Variants in LINGO2 observed in about 807,000 individuals in gnomAD.
The protein encoded by LINGO2 is leucine-rich repeat and immunoglobulin-like domain-containing nogo receptor-interacting protein 2.
A neutral mutation model predicts 30.6 loss-of-function variants in LINGO2; 14 were observed. The ratio of observed to expected loss-of-function variants is 0.46; its 90% confidence interval spans 0.30 to 0.72. LINGO2 has a LOEUF of 0.72. LINGO2 is among the 30% of genes least tolerant of loss of function. LINGO2 has a pLI of 0.07. For synonymous variants in LINGO2, 317 were observed against 288.5 expected, an observed-to-expected ratio of 1.10 and a Z score of -1.00; for missense variants, 729 against 751.7, an observed-to-expected ratio of 0.97 and a Z score of 0.35.
At chr9:28,521,270 G>C (rs973046816) in intron 1 of LINGO2, among the ~76,000 whole-genome samples, 3 of 152,128 alleles carry the variant, frequency 2.0e-5, no homozygotes, top group Non-Finnish European at 4.4e-5. Context: ...CATCGTCTCT[G>C]AAATTCAATA....
At chr9:28,669,579 A>T (rs1004722866) in intron 1 of LINGO2, among the ~76,000 whole-genome samples, 1 of 152,088 alleles carries the variant, frequency 6.6e-6, no homozygotes, top group Non-Finnish European at 1.5e-5. Flanking sequence ...AAAAATACCC[A>T]TTGTGATGCT....
At chr9:28,755,606 T>C in the LINGO2 span, among the ~76,000 whole-genome samples, 1 of 152,098 alleles carries the variant, frequency 6.6e-6, no homozygotes, top group Non-Finnish European at 1.5e-5. Flanking sequence ...GGACATTTTA[T>C]AGGAAGGAAG....
intron 1 of LINGO2, among the ~76,000 whole-genome samples, chr9:28,476,261 A>C (rs943429279): frequency 6.6e-6 from 1 of 152,290 alleles, no homozygotes; most frequent in South Asian, 2.1e-4. Flanking sequence ...TATTAAAATT[A>C]ATCATTAAAT....
At chr9:28,015,399 A>G (rs543059671) in intron 4 of LINGO2, among the ~76,000 whole-genome samples, 313 of 152,290 alleles carry the variant, frequency 2.1e-3, no homozygotes, top group Non-Finnish European at 3.7e-3. Flanking sequence ...ACACAGGGCA[A>G]TAATGTATTG....
At chr9:28,468,086 T>A (rs970288647) in intron 2 of LINGO2, among the ~76,000 whole-genome samples, 1 of 152,150 alleles carries the variant, frequency 6.6e-6, no homozygotes, top group African/African-American at 2.4e-5. Context: ...ATAGATAAAC[T>A]TATAGACTGA....
At chr9:28,078,592 C>T (rs183614837) in intron 4 of LINGO2, among the ~76,000 whole-genome samples, 7 of 148,320 alleles carry the variant, frequency 4.7e-5, no homozygotes, top group South Asian at 2.1e-4. Context: ...GGCTCATGCC[C>T]GTAATCCCAG....
chr9:28,982,875 A>G, the LINGO2 span, among the ~76,000 whole-genome samples: 1 of 152,062 alleles, frequency 6.6e-6, no homozygotes, highest in Non-Finnish European at 1.5e-5. Flanking sequence ...TAATACTATT[A>G]AAACCTTTTG....
At chr9:28,044,033 T>TGC (rs1433795559) in intron 4 of LINGO2, among the ~76,000 whole-genome samples, 1 of 152,224 alleles carries the variant, frequency 6.6e-6, no homozygotes, top group African/African-American at 2.4e-5. Context: ...TGAAGCTCCA[T>TGC]GCCTTTGTAC....
intron 1 of LINGO2, among the ~76,000 whole-genome samples, chr9:28,572,593 C>T (rs993014082): frequency 3.9e-5 from 6 of 152,066 alleles, no homozygotes; most frequent in Non-Finnish European, 5.9e-5. Context: ...ATAAAATCCA[C>T]CTGCAGCCAG....
chr9:28,215,270 C>A (rs2133873822), intron 4 of LINGO2, among the ~76,000 whole-genome samples: 1 of 151,702 alleles, frequency 6.6e-6, no homozygotes, highest in Non-Finnish European at 1.5e-5. Context: ...ACAGAGAGGT[C>A]AAAAGTTTAC....
the LINGO2 span, among the ~76,000 whole-genome samples, chr9:28,789,880 C>T: frequency 2.7e-4 from 41 of 152,110 alleles, no homozygotes; most frequent in Non-Finnish European, 5.4e-4. Flanking sequence ...GCAGTAATTA[C>T]AGTAGGTTTC....
intron 2 of LINGO2, among the ~76,000 whole-genome samples, chr9:28,453,992 G>A (rs1212639796): frequency 1.3e-5 from 2 of 152,032 alleles, no homozygotes. Flanking sequence ...ATGGTGAAAT[G>A]AGAAGTCCGA....
At chr9:28,196,782 A>C (rs1335737050) in intron 4 of LINGO2, among the ~76,000 whole-genome samples, 1 of 151,980 alleles carries the variant, frequency 6.6e-6, no homozygotes, top group Non-Finnish European at 1.5e-5. Flanking sequence ...TGTTATGTTA[A>C]ACAAAATAAG....
chr9:28,037,488 T>C (rs16912333), intron 4 of LINGO2, among the ~76,000 whole-genome samples: 5,795 of 152,304 alleles, frequency 0.038, 150 homozygotes, highest in South Asian at 0.07. Flanking sequence ...AAAAGTCTTC[T>C]GAGAGCTCCT....
At chr9:28,221,919 C>T (rs1316515384) in intron 4 of LINGO2, among the ~76,000 whole-genome samples, 2 of 152,150 alleles carry the variant, frequency 1.3e-5, no homozygotes, top group Middle Eastern at 3.2e-3. Context: ...TAAAGCACTT[C>T]CACCTCTGAA....
At chr9:28,433,949 C>CTATATATATATATATATATATATA (rs375073572) in intron 2 of LINGO2, among the ~76,000 whole-genome samples, 39 of 88,500 alleles carry the variant, frequency 4.4e-4, no homozygotes, top group African/African-American at 1.7e-3. Flanking sequence ...CTCTCTCTCT[C>CTATATATATATATATATATATATA]TATATATATA....
At chr9:29,058,277 G>A in the LINGO2 span, among the ~76,000 whole-genome samples, 3 of 152,168 alleles carry the variant, frequency 2.0e-5, no homozygotes, top group Admixed American at 1.3e-4. Context: ...ATTGAATGTT[G>A]AGAACTGAAA....
At chr9:28,412,895 T>A (rs988208569) in intron 2 of LINGO2, among the ~76,000 whole-genome samples, 1 of 152,036 alleles carries the variant, frequency 6.6e-6, no homozygotes, top group African/African-American at 2.4e-5. Flanking sequence ...CTGTCATCCC[T>A]GAGACAGCAA....
chr9:29,090,518 TG>T, the LINGO2 span, among the ~76,000 whole-genome samples: 1 of 152,068 alleles, frequency 6.6e-6, no homozygotes, highest in Admixed American at 6.6e-5. Flanking sequence ...ATACAGTTAT[TG>T]GCACAGATCA....
Sources: allele counts gnomAD v4.1 joint callset (sites outside exome capture counted in the v4.1 genomes callset), GRCh38; gene constraint gnomAD v4.1.1; transcripts MANE v1.5; gene names NCBI Gene and HGNC (gene_info 2026-07-23, HGNC 2026-07-21).